The following CDH9 variants were observed in gnomAD, a reference collection of about 807,000 sequenced individuals.
The protein encoded by CDH9 is cadherin-9.
CDH9 carries 28 observed loss-of-function variants against 70.9 expected under a neutral mutation model. The observed-to-expected ratio is 0.40, with a 90% confidence interval of 0.29 to 0.54. The LOEUF (loss-of-function observed/expected upper bound fraction) is 0.54. Among genes scored for constraint, CDH9 ranks in the 20% least tolerant of loss-of-function variants. The probability of loss-of-function intolerance (pLI) is 0.59; values close to 1 mark genes in which losing one functional copy is unlikely to be tolerated. For synonymous variants in CDH9, 409 were observed against 343.1 expected (o/e 1.19, Z -2.12); for missense variants, 874 against 984.4 (o/e 0.89, Z 1.50).
At chr5:27,017,999 A>T (rs1391623051) in intron 1 of CDH9, among the ~76,000 whole-genome samples, 2 of 151,942 alleles carry the variant, frequency 1.3e-5, no homozygotes, top group Non-Finnish European at 2.9e-5. Context: ...TGACGGTAAT[A>T]TTAACTTTGA....
At chr5:26,966,942 A>C (rs1024244165) in intron 2 of CDH9, among the ~76,000 whole-genome samples, 2 of 151,532 alleles carry the variant, frequency 1.3e-5, no homozygotes, top group African/African-American at 4.9e-5. Flanking sequence ...TTATTTATTT[A>C]TTCATTTTGT....
At chr5:26,909,851 G>T (rs951121164) in intron 3 of CDH9, among the ~76,000 whole-genome samples, 7 of 151,806 alleles carry the variant, frequency 4.6e-5, no homozygotes, top group Admixed American at 4.6e-4. Flanking sequence ...AAATCATGAA[G>T]AAATGTTAAA....
Position 27,027,163 on chromosome 5 carries a change from C to T in CDH9, c.-50+11300G>A, listed in dbSNP as rs548623354. On this transcript the variant is annotated intron_variant, in intron 1 of 11. Coordinates refer to ENST00000231021, the MANE Select transcript of CDH9 (RefSeq NM_016279.4). ...GTAGTATACTCATTTTAACTTCAAG[C>T]GATAAAGTGTAGAGTGTTCTATCTA... Among the ~76,000 whole-genome samples the T allele has an allele frequency of 2.8e-4, 42 of 151,968 alleles. No homozygotes were observed. The South Asian group carries it at 7.1e-3, about 26-fold the overall frequency.
intron 2 of CDH9, among the ~76,000 whole-genome samples, chr5:26,934,302 C>T (rs533712816): frequency 1.2e-4 from 19 of 152,150 alleles, no homozygotes; most frequent in South Asian, 1.2e-3. Flanking sequence ...TCCATCTCTA[C>T]AATAATTACA....
At position 26,949,843 on chromosome 5, in the gene CDH9, T is replaced by C. The variant is rs543219541; in HGVS notation, c.229-33919A>G. Among the ~76,000 whole-genome samples, 5 of 152,290 alleles carry C rather than the reference T, an allele frequency of 3.3e-5. No homozygotes were observed. In the South Asian group the frequency reaches 8.3e-4, roughly 25 times the overall value. ...GTCATGAGAGAAAACAAAACTCTAT[T>C]TGTATAAATTAATTTATAAGAACTT... On this transcript the variant is annotated intron_variant, in intron 2 of 11. Transcript: ENST00000231021.
intron 2 of CDH9, among the ~76,000 whole-genome samples, chr5:26,964,510 C>A (rs1742094873): frequency 6.6e-6 from 1 of 152,084 alleles, no homozygotes; most frequent in Non-Finnish European, 1.5e-5. Flanking sequence ...AACCAATGAA[C>A]CAACCAACCT....
At chr5:26,967,089 C>A (rs1471350163) in intron 2 of CDH9, among the ~76,000 whole-genome samples, 1 of 151,974 alleles carries the variant, frequency 6.6e-6, no homozygotes, top group East Asian at 1.9e-4. Flanking sequence ...TGCCACACCA[C>A]GCCTGGCTAA....
At chr5:26,890,182 A>C (rs1740632523) in intron 8 of CDH9, among the ~76,000 whole-genome samples, 1 of 152,240 alleles carries the variant, frequency 6.6e-6, no homozygotes, top group Non-Finnish European at 1.5e-5. Context: ...TAATTTTCTT[A>C]GATTATTTTT....
intron 2 of CDH9, among the ~76,000 whole-genome samples, chr5:26,966,391 G>T (rs949512621): frequency 1.3e-5 from 2 of 152,092 alleles, no homozygotes; most frequent in Non-Finnish European, 2.9e-5. Flanking sequence ...CTGCCTCCCA[G>T]GGAACAATCA....
At chr5:26,919,718 T>A (rs796885654) in intron 2 of CDH9, among the ~76,000 whole-genome samples, 17 of 152,044 alleles carry the variant, frequency 1.1e-4, no homozygotes, top group African/African-American at 4.1e-4. Context: ...GTCTTGCAAC[T>A]TGGATACCAG....
chr5:26,980,699 A>G (rs1482294678), intron 2 of CDH9, among the ~76,000 whole-genome samples: 1 of 151,982 alleles, frequency 6.6e-6, no homozygotes, highest in Non-Finnish European at 1.5e-5. Context: ...ATTAATTTGG[A>G]GATGATTCTA....
intron 2 of CDH9, among the ~76,000 whole-genome samples, chr5:26,923,876 G>A (rs550223573): frequency 9.9e-5 from 15 of 151,802 alleles, no homozygotes; most frequent in Non-Finnish European, 1.9e-4. Context: ...TGAAACCTAC[G>A]AAAACCTACA....
chr5:27,030,138 C>A (rs1561046545), intron 1 of CDH9, among the ~76,000 whole-genome samples: 1 of 151,934 alleles, frequency 6.6e-6, no homozygotes, highest in East Asian at 2.0e-4. Context: ...GTAGACAGGT[C>A]TTCTTGTTAG....
At chr5:26,883,034 G>T in intron 11 of CDH9, among the ~76,000 whole-genome samples, 4 of 86,338 alleles carry the variant, frequency 4.6e-5, no homozygotes, top group African/African-American at 9.2e-5. Context: ...CTATATTCAG[G>T]ATCATCTTAT....
At chr5:26,964,645 G>A (rs956141381) in intron 2 of CDH9, among the ~76,000 whole-genome samples, 2 of 151,922 alleles carry the variant, frequency 1.3e-5, no homozygotes, top group African/African-American at 2.4e-5. Flanking sequence ...TTTTTTAATT[G>A]TTATACTTTA....
At chr5:26,916,825 G>A (rs1438444557) in intron 2 of CDH9, among the ~76,000 whole-genome samples, 3 of 151,872 alleles carry the variant, frequency 2.0e-5, no homozygotes, top group African/African-American at 7.2e-5. Context: ...CTTCAACCAC[G>A]ATGTTCTCAT....
chr5:26,963,034 AG>A (rs1351555360), intron 2 of CDH9, among the ~76,000 whole-genome samples: 1 of 152,240 alleles, frequency 6.6e-6, no homozygotes, highest in African/African-American at 2.4e-5. Flanking sequence ...AAACTATAAA[AG>A]AATGTTAAAA....
rs117928872 is a variant in CDH9, at chr5:27,006,916, A to G, written c.-49-18534T>C. On this transcript the variant is annotated intron_variant, in intron 1 of 11. Transcript: ENST00000231021. ...CTTGAGGAGTTTTCACTCTAGAAAC[A>G]TAGTCTACATACATAACCAGAGAGT... 2.0e-5 allele frequency among the ~76,000 whole-genome samples: 3 copies of G among 152,296 alleles called. 1 individual carries two copies. The East Asian group carries it at 5.8e-4, about 29-fold the overall frequency.
At chr5:26,961,904 G>A (rs1181871664) in intron 2 of CDH9, among the ~76,000 whole-genome samples, 2 of 152,046 alleles carry the variant, frequency 1.3e-5, no homozygotes, top group Admixed American at 6.6e-5. Context: ...GTGTACACGT[G>A]TCATGTTGGT....
Sources: gnomAD v4.1 joint callset for allele counts (sites outside exome capture counted in the v4.1 genomes callset) on GRCh38, gnomAD v4.1.1 for gene constraint, MANE v1.5 for transcripts, NCBI Gene and HGNC (gene_info 2026-07-23, HGNC 2026-07-21) for gene names.